The following SCPEP1 variants were observed in gnomAD, a reference collection of about 807,000 sequenced individuals.
SCPEP1 encodes serine carboxypeptidase 1, also known as retinoid-inducible serine carboxypeptidase.
A neutral mutation model predicts 63.8 loss-of-function variants in SCPEP1; 51 were observed. That is an observed-to-expected ratio of 0.80 (90% CI 0.64 to 1.01). The LOEUF (loss-of-function observed/expected upper bound fraction) is 1.01. Ranked by LOEUF, SCPEP1 falls within the 50% of genes least tolerant of loss-of-function variation. SCPEP1 has a pLI of 0.00. For missense variants in SCPEP1, 499 were observed against 554.9 expected (o/e 0.90, Z 1.01); for synonymous variants, 204 against 207.8 (o/e 0.98, Z 0.16).
chr17:56,989,393 G>T (rs551703827), intron 5 of SCPEP1, among the ~76,000 whole-genome samples: 1 of 152,110 alleles, frequency 6.6e-6, no homozygotes, highest in Non-Finnish European at 1.5e-5. Flanking sequence ...AAGTGCTGTC[G>T]TGCACTTTTG....
chr17:56,996,899 C>G, intron 8 of SCPEP1, 63 bp from the exon 9 acceptor site: 1 of 1,076,990 alleles, frequency 9.3e-7, no homozygotes, highest in East Asian at 2.4e-5. Context: ...ATGTGTCCTT[C>G]TGTTTGGCAG....
chr17:56,996,973 G>A lies in SCPEP1; in HGVS notation c.798G>A (p.Gly266=). 1 of 1,602,776 alleles carries A rather than the reference G, an allele frequency of 6.2e-7. No individual in the cohort carries two copies. The highest frequency in any genetic ancestry group is 8.5e-7 in the Non-Finnish European group (1 of 1,175,486). The change falls in exon 9 of 13, where the codon GGG becomes GGA. Residue 266 remains glycine, a synonymous_variant. Transcript: ENST00000262288. ...CTTTTATATTTCAGAACACAGATGG[G>A]GTGAACTTCTATAACATCTTAACTA... The part of the protein sequence containing the change: ...AEMIIEQNTD[G]VNFYNILTKS...
At chr17:56,990,974 A>C (rs570830996) in intron 5 of SCPEP1, 125 bp from the exon 6 acceptor site, 1 of 771,258 alleles carries the variant, frequency 1.3e-6, no homozygotes, top group African/African-American at 1.7e-5. Context: ...GTCTCACTAC[A>C]TTGCCTAGGC....
At chr17:56,982,330 A>G (rs1438667967) in intron 2 of SCPEP1, among the ~76,000 whole-genome samples, 1 of 151,962 alleles carries the variant, frequency 6.6e-6, no homozygotes, top group Non-Finnish European at 1.5e-5. Context: ...GCCTCCCACC[A>G]CCTGGGTTTT....
chr17:57,002,181 G>A lies in SCPEP1; in HGVS notation c.1296G>A (p.Met432Ile). Reference sequence around the variant, plus strand: ...ACTGGATTCTGAAAGCTGGTCATATGGTAAGAAAGAGCTTTTGTTCCAGAC... The same window carrying A: ...ACTGGATTCTGAAAGCTGGTCATATAGTAAGAAAGAGCTTTTGTTCCAGAC... ...AFYWILKAGHMVPSDQGDMAL... is the reference protein window; with the variant it reads ...AFYWILKAGHIVPSDQGDMAL... Residue 432 changes from methionine (M) to isoleucine (I), a missense_variant and splice_region_variant, in exon 12 of 13, where the codon ATG becomes ATA. Physicochemically the swap from Met to Ile is conservative, Grantham distance 10. Transcript: ENST00000262288. 1 of 1,611,340 alleles carries A rather than the reference G, an allele frequency of 6.2e-7. No homozygotes were observed. Among genetic ancestry groups the A allele is most frequent in the Non-Finnish European group, 8.5e-7 (1 of 1,179,256 alleles).
intron 8 of SCPEP1, among the ~76,000 whole-genome samples, chr17:56,996,542 C>CT (rs1911568631): frequency 6.8e-6 from 1 of 147,550 alleles, no homozygotes; most frequent in Non-Finnish European, 1.5e-5. Context: ...TTTTTTGAGA[C>CT]TAAGTCTGGC....
At chr17:56,999,339 T>G (rs1010683477) in intron 10 of SCPEP1, among the ~76,000 whole-genome samples, 1 of 152,166 alleles carries the variant, frequency 6.6e-6, no homozygotes, top group Admixed American at 6.6e-5. Flanking sequence ...GAGGAAATAA[T>G]GAAATCCTTA....
chr17:56,979,500 GA>G (rs796170866), intron 1 of SCPEP1, among the ~76,000 whole-genome samples: 102 of 141,742 alleles, frequency 7.2e-4, no homozygotes, highest in African/African-American at 1.7e-3. Context: ...GGTTTTGGAG[GA>G]AAAAAAAAAA....
chr17:56,994,376 A>C (rs1220933765), intron 6 of SCPEP1, among the ~76,000 whole-genome samples: 2 of 152,218 alleles, frequency 1.3e-5, no homozygotes, highest in Non-Finnish European at 2.9e-5. Flanking sequence ...GTCAACTACT[A>C]TTCTCTTTGA....
intron 12 of SCPEP1, among the ~76,000 whole-genome samples, chr17:57,004,857 G>A (rs774747310): frequency 6.6e-6 from 1 of 152,146 alleles, no homozygotes; most frequent in African/African-American, 2.4e-5. Context: ...ATATGCTGCC[G>A]ATAAGCAATC....
At position 56,996,207 on chromosome 17, in the gene SCPEP1, C is replaced by CTATT. The variant is rs566592657; in HGVS notation, c.786+594_786+597dup. 7.1e-3 allele frequency among the ~76,000 whole-genome samples: 1,076 copies of CTATT among 151,848 alleles called. 1 individual carries two copies. Among genetic ancestry groups the CTATT allele is most frequent in the East Asian group, 0.018 (91 of 5,170 alleles). ...TATTTTTTACTTTTTCTTTTTTCCT[C>CTATT]TATTTATTTATTTATTTATTTATTT... is the stretch of plus-strand genomic sequence containing the variant. On this transcript the variant is annotated intron_variant, in intron 8 of 12. Coordinates refer to ENST00000262288, the MANE Select transcript of SCPEP1 (RefSeq NM_021626.3).
intron 6 of SCPEP1, among the ~76,000 whole-genome samples, chr17:56,992,596 G>C (rs1283439838): frequency 6.6e-6 from 1 of 151,978 alleles, no homozygotes; most frequent in African/African-American, 2.4e-5. Flanking sequence ...TTCCTCATGG[G>C]GTCTCCTCAG....
chr17:56,984,957 G>T (rs1438752968), intron 2 of SCPEP1: 5 of 180,372 alleles, frequency 2.8e-5, no homozygotes, highest in Middle Eastern at 2.5e-3. Context: ...AAATTAGCCG[G>T]GCTGGGCATG....
At chr17:57,005,202 T>C (rs556760060) in intron 12 of SCPEP1, among the ~76,000 whole-genome samples, 100 of 152,308 alleles carry the variant, frequency 6.6e-4, no homozygotes, top group Admixed American at 2.9e-3. Context: ...TCAAAAAGGC[T>C]GGAATTGTGG....
rs1448248669 is a variant in SCPEP1 at position 56,985,386 on chromosome 17, A to G, written c.234A>G (p.Pro78=). ...TCTTCTCTCTTCCATAGGGCGGTCC[A>G]GGCGGTTCTAGCACTGGATTTGGAA... is the stretch of plus-strand genomic sequence containing the variant. ...LPLVMWLQGG[P]GGSSTGFGNF... is the part of the protein sequence containing the mutation. Residue 78 remains proline, a synonymous_variant, in exon 3 of 13, where the codon CCA becomes CCG. Coordinates refer to ENST00000262288, the MANE Select transcript of SCPEP1 (RefSeq NM_021626.3). 1 of 1,614,034 alleles carries G rather than the reference A, an allele frequency of 6.2e-7. No individual in the cohort carries two copies. Among genetic ancestry groups the G allele is most frequent in the African/African-American group, 1.3e-5 (1 of 74,922 alleles).
At chr17:56,981,625 G>A (rs1483796513) in intron 2 of SCPEP1, among the ~76,000 whole-genome samples, 2 of 152,110 alleles carry the variant, frequency 1.3e-5, no homozygotes, top group Non-Finnish European at 2.9e-5. Context: ...GACCAGGCTG[G>A]CCGACATAGT....
At chr17:56,998,566 A>T in intron 10 of SCPEP1, 68 bp downstream of exon 10, 2 of 1,221,770 alleles carry the variant, frequency 1.6e-6, no homozygotes, top group Non-Finnish European at 1.2e-6. Flanking sequence ...AAATTCAGAG[A>T]CCTGAATTTG....
At chr17:56,984,485 C>G (rs1338245582) in intron 2 of SCPEP1, 2 of 152,254 alleles carry the variant, frequency 1.3e-5, no homozygotes, top group Non-Finnish European at 2.9e-5. Flanking sequence ...TCTTTTTTCT[C>G]TGAAGCCCTC....
intron 8 of SCPEP1, 50 bp downstream of exon 8, chr17:56,995,685 G>C (rs190113076): frequency 1.9e-6 from 3 of 1,587,840 alleles, no homozygotes; most frequent in Non-Finnish European, 2.6e-6. Context: ...TTTTCTGGTG[G>C]GTACAGGGCC....
Sources: gnomAD v4.1 joint callset for allele counts (sites outside exome capture counted in the v4.1 genomes callset) on GRCh38, gnomAD v4.1.1 for gene constraint, MANE v1.5 for transcripts, NCBI Gene and HGNC (gene_info 2026-07-23, HGNC 2026-07-21) for gene names.